The following PHF20L1 variants were observed in gnomAD, a reference collection of about 807,000 sequenced individuals.
PHF20L1 encodes the protein PHD finger protein 20 like 1, also known as PHD finger protein 20-like protein 1.
PHF20L1 carries 44 observed loss-of-function variants against 125.5 expected under a neutral mutation model. That is an observed-to-expected ratio of 0.35 (90% CI 0.28 to 0.45). The LOEUF is 0.45. Ranked by LOEUF, PHF20L1 falls within the 20% of genes least tolerant of loss-of-function variation. The pLI, the probability that PHF20L1 is intolerant of heterozygous loss-of-function variation, is 1.00. For missense variants in PHF20L1, 1,012 were observed against 1,217.2 expected (o/e 0.83, Z 2.51); for synonymous variants, 380 against 403.1 (o/e 0.94, Z 0.69).
At chr8:132,839,664 C>T in intron 18 of PHF20L1, 82 bp downstream of exon 18, 3 of 906,924 alleles carry the variant, frequency 3.3e-6, no homozygotes, top group Admixed American at 2.1e-5. Flanking sequence ...TTTGATGGTC[C>T]AGAGTAACAG....
chr8:132,830,541 G>A (rs946308179), intron 14 of PHF20L1, among the ~76,000 whole-genome samples: 2 of 151,744 alleles, frequency 1.3e-5, no homozygotes, highest in South Asian at 2.1e-4. Context: ...TTTCCCACTC[G>A]TTTCCATCTC....
chr8:132,780,931 A>C (rs1026032385), intron 2 of PHF20L1, among the ~76,000 whole-genome samples: 1 of 144,742 alleles, frequency 6.9e-6, no homozygotes, highest in African/African-American at 2.6e-5. Context: ...TAAAACCTCT[A>C]CCTCCTGGGC....
At chr8:132,822,685 C>T (rs936017462) in intron 12 of PHF20L1, among the ~76,000 whole-genome samples, 2 of 151,818 alleles carry the variant, frequency 1.3e-5, no homozygotes, top group Admixed American at 1.3e-4. Flanking sequence ...CTGTGATATC[C>T]CTTTCATTTT....
intron 8 of PHF20L1, chr8:132,806,959 T>C (rs1228961379): frequency 6.6e-6 from 1 of 152,054 alleles, no homozygotes. Context: ...CTATTCACTT[T>C]GCCACATACA....
intron 2 of PHF20L1, among the ~76,000 whole-genome samples, chr8:132,780,830 A>T (rs1236685534): frequency 6.6e-6 from 1 of 151,730 alleles, no homozygotes; most frequent in Non-Finnish European, 1.5e-5. Context: ...AATGCCTATT[A>T]AAGGTTTTTC....
At chr8:132,817,097 A>G (rs760071511) in intron 11 of PHF20L1, 21 bp downstream of exon 11, 3 of 1,398,574 alleles carry the variant, frequency 2.1e-6, no homozygotes, top group Admixed American at 2.3e-5. Context: ...TTGATTTCCT[A>G]TAGAACCAAA....
intron 2 of PHF20L1, among the ~76,000 whole-genome samples, chr8:132,789,857 CCTA>C (rs781685767): frequency 1.3e-5 from 2 of 152,092 alleles, no homozygotes; most frequent in Non-Finnish European, 2.9e-5. Context: ...ACTGAGAAAT[CCTA>C]CTTTTAGTGA....
chr8:132,787,067 A>G (rs1039768380), intron 2 of PHF20L1, among the ~76,000 whole-genome samples: 1 of 151,884 alleles, frequency 6.6e-6, no homozygotes, highest in Non-Finnish European at 1.5e-5. Context: ...AAACTGTATG[A>G]AGTTCGTAAA....
At chr8:132,825,506 T>C in intron 14 of PHF20L1, 135 bp downstream of exon 14, 1 of 653,564 alleles carries the variant, frequency 1.5e-6, no homozygotes. Context: ...TTCTGTAGCT[T>C]TCCTTTGACA....
intron 17 of PHF20L1, 174 bp downstream of exon 17, chr8:132,837,985 T>G (rs1241830043): frequency 3.6e-6 from 2 of 562,286 alleles, no homozygotes; most frequent in Non-Finnish European, 6.5e-6. Context: ...CATAGGAACT[T>G]AACTTGTATG....
chr8:132,780,438 G>C (rs1014993932), intron 2 of PHF20L1, among the ~76,000 whole-genome samples: 11 of 151,978 alleles, frequency 7.2e-5, no homozygotes, highest in Admixed American at 2.0e-4. Context: ...AGAATTATTT[G>C]ACAAGAAACT....
At position 132,845,935 on chromosome 8, in the gene PHF20L1, A is replaced by T. The variant is rs754319142; in HGVS notation, c.*12A>T. ...TTTGCTCTGTATGACAACAGTGAAC[A>T]CTTAATGAAAGAATGTGGCTTTCTT... On this transcript the variant is annotated 3_prime_UTR_variant, in exon 21 of 21. Transcript: ENST00000395386. The T allele has an allele frequency of 6.2e-7, 1 of 1,600,976 alleles. No individual in the cohort carries two copies. Among genetic ancestry groups the T allele is most frequent in the South Asian group, 1.1e-5 (1 of 89,982 alleles).
intron 15 of PHF20L1, among the ~76,000 whole-genome samples, chr8:132,833,601 G>A (rs1837018687): frequency 6.6e-6 from 1 of 152,088 alleles, no homozygotes; most frequent in African/African-American, 2.4e-5. Context: ...TGATGCTATG[G>A]AGAAGCAGAG....
chr8:132,794,054 CTTTA>C (rs1036175035), intron 2 of PHF20L1, among the ~76,000 whole-genome samples: 6 of 152,094 alleles, frequency 3.9e-5, no homozygotes, highest in African/African-American at 1.4e-4. Flanking sequence ...ATGGTTTCCA[CTTTA>C]TTTGTTATTA....
rs755168885 is a variant in PHF20L1, at chr8:132,777,873, T to G, written c.45T>G (p.Ile15Met). 6.2e-7 allele frequency: 1 copy of G among 1,613,440 alleles called. No individual in the cohort carries two copies. The highest frequency in any genetic ancestry group is 1.7e-5 in the Admixed American group (1 of 60,008). Residue 15 changes from isoleucine (I) to methionine (M), a missense_variant, in exon 2 of 21, where the codon ATT becomes ATG. Coordinates refer to ENST00000395386, the MANE Select transcript of PHF20L1 (RefSeq NM_016018.5). ...PPNRPGITFEIGARLEALDYL... is the reference protein window; with the variant it reads ...PPNRPGITFEMGARLEALDYL... ...ATCGCCCTGGAATCACTTTTGAGATTGGTGCTCGTTTGGAGGCACTGGACT... is the reference window on the plus strand; with the variant it reads ...ATCGCCCTGGAATCACTTTTGAGATGGGTGCTCGTTTGGAGGCACTGGACT...
intron 8 of PHF20L1, among the ~76,000 whole-genome samples, chr8:132,805,996 G>C (rs2131583510): frequency 6.6e-6 from 1 of 151,962 alleles, no homozygotes; most frequent in African/African-American, 2.4e-5. Context: ...CTTCAGTTTT[G>C]CCTTAAAATA....
intron 4 of PHF20L1, among the ~76,000 whole-genome samples, chr8:132,795,212 A>C (rs530465748): frequency 6.6e-6 from 1 of 152,158 alleles, no homozygotes; most frequent in Non-Finnish European, 1.5e-5. Context: ...AGTGAAATAC[A>C]TAGGATATTT....
Position 132,847,955 on chromosome 8 carries a change from T to C in PHF20L1, c.*2032T>C. The C allele has an allele frequency of 6.6e-6, 1 of 152,150 alleles. No homozygotes were observed. Among genetic ancestry groups the C allele is most frequent in the East Asian group, 1.9e-4 (1 of 5,202 alleles). 9.4% of individuals were successfully genotyped at this position (152,150 alleles called of 1,614,324 possible). On this transcript the variant is annotated 3_prime_UTR_variant, in exon 21 of 21. Transcript: ENST00000395386. ...AAAATAGTGGCTCTAATATTTTCCC[T>C]GTCATGGCTACATTCTAGACATTGA...
At chr8:132,801,671 C>T (rs973720468) in intron 6 of PHF20L1, among the ~76,000 whole-genome samples, 10 of 151,576 alleles carry the variant, frequency 6.6e-5, no homozygotes, top group Non-Finnish European at 1.5e-4. Context: ...CCTAAATACA[C>T]TGAATTGATC....
Sources: gnomAD v4.1 joint callset for allele counts (sites outside exome capture counted in the v4.1 genomes callset) on GRCh38, gnomAD v4.1.1 for gene constraint, MANE v1.5 for transcripts, NCBI Gene and HGNC (gene_info 2026-07-23, HGNC 2026-07-21) for gene names.